The following NECAB3 variants were observed in gnomAD, a reference collection of about 807,000 sequenced individuals.
The protein encoded by NECAB3 is N-terminal EF-hand calcium binding protein 3.
In NECAB3, 38 loss-of-function variants were observed where a neutral mutation model predicts 57.2. The observed-to-expected ratio is 0.66, with a 90% confidence interval of 0.51 to 0.87. The LOEUF (loss-of-function observed/expected upper bound fraction) is 0.87, where lower values mean the gene tolerates loss of function less well. Ranked by LOEUF, NECAB3 falls within the 40% of genes least tolerant of loss-of-function variation. The pLI, the probability that NECAB3 is intolerant of heterozygous loss-of-function variation, is 0.00. For synonymous variants in NECAB3, 223 were observed against 222.6 expected (o/e 1.00, Z -0.02); for missense variants, 474 against 527.5 (o/e 0.90, Z 0.99).
intron 5 of NECAB3, chr20:33,668,202 T>C (rs1299054836): frequency 7.5e-6 from 12 of 1,606,528 alleles, no homozygotes; most frequent in Non-Finnish European, 1.0e-5. Context: ...ACCAGGAGTG[T>C]GGCTCCAGGC....
chr20:33,668,399 C>A (rs2017748431), intron 5 of NECAB3: 2 of 987,014 alleles, frequency 2.0e-6, no homozygotes, highest in African/African-American at 1.7e-5. Flanking sequence ...ACCCATGGGA[C>A]CCTCATTTTG....
intron 3 of NECAB3, 123 bp from the exon 4 acceptor site, chr20:33,669,835 A>T (rs1433897930): frequency 9.5e-7 from 1 of 1,051,144 alleles, no homozygotes; most frequent in Non-Finnish European, 1.4e-6. Context: ...CTTCTGCTCC[A>T]CCCCAGATTA....
chr20:33,660,449 G>C lies in NECAB3; in HGVS notation c.388-54C>G. ...CTCCCAGCCCGGGCACTGATCTCTT[G>C]AGTGGGTCCCCTGCCTCTTGCCCAT... On this transcript the variant is annotated intron_variant, in intron 5 of 11. Transcript: ENST00000246190. The surrounding 1 kb of genome is among the most constrained non-coding windows in gnomAD (Gnocchi z 4.1). 5 of 1,594,188 alleles carry C rather than the reference G, an allele frequency of 3.1e-6. No individual in the cohort carries two copies. The highest frequency in any genetic ancestry group is 4.3e-6 in the Non-Finnish European group (5 of 1,167,194).
Position 33,657,924 on chromosome 20 carries a change from T to A in NECAB3, c.1162+18A>T, listed in dbSNP as rs1310990427. 1 of 1,552,158 alleles carries A rather than the reference T, an allele frequency of 6.4e-7. No individual in the cohort carries two copies. Among genetic ancestry groups the A allele is most frequent in the Non-Finnish European group, 8.7e-7 (1 of 1,147,480 alleles). On this transcript the variant is annotated intron_variant, in intron 11 of 11. Transcript: ENST00000246190. Reference sequence around the variant, plus strand: ...ACTGCCCCTCCAGGGCCACAGTGAGTGGGGGTCCACCGCATACCTGGGAAG... The same window carrying A: ...ACTGCCCCTCCAGGGCCACAGTGAGAGGGGGTCCACCGCATACCTGGGAAG...
Position 33,660,956 on chromosome 20 carries a change from GCCT to G in NECAB3, c.388-564_388-562del, listed in dbSNP as rs1164634729. ...GCACTGACCCCAACCGACACTGCCAGCCTCCTCCCAGCCCCTCTCAGGGTGGCA... is the reference window on the plus strand; with the variant it reads ...GCACTGACCCCAACCGACACTGCCAGCCTCCCAGCCCCTCTCAGGGTGGCA... On this transcript the variant is annotated intron_variant, in intron 5 of 11. Transcript: ENST00000246190. The surrounding 1 kb of genome is among the most constrained non-coding windows in gnomAD (Gnocchi z 4.1). 1.3e-5 allele frequency among the ~76,000 whole-genome samples: 2 copies of G among 151,602 alleles called. No individual in the cohort carries two copies. The highest frequency in any genetic ancestry group is 4.8e-5 in the African/African-American group (2 of 41,390).
In NECAB3 at chr20:33,659,716, G is replaced by C. The variant is rs764708788; in HGVS notation, c.660C>G (p.Ala220=). 6.0e-5 allele frequency: 96 copies of C among 1,603,448 alleles called. 1 individual carries two copies. Among genetic ancestry groups the C allele is most frequent in the Non-Finnish European group, 7.2e-5 (85 of 1,177,808 alleles). ...TCACCTGGAGCCGCCACTGCATCTC[G>C]GCCTCTGAGCTGCGCCCTGTGTGTG... The part of the protein sequence containing the change: ...GSSDTGRSSE[A]EMQWRLQVNR... Residue 220 remains alanine (A), a synonymous_variant, in exon 8 of 12, where the codon GCC becomes GCG. Coordinates refer to ENST00000246190, the MANE Select transcript of NECAB3 (RefSeq NM_031232.4).
At chr20:33,674,440 G>A, upstream of NECAB3, 1 of 1,036,440 alleles carries the variant, frequency 9.6e-7, no homozygotes. Flanking sequence ...CCGCCCCTTG[G>A]CGCCGGCGCC....
Position 33,674,247 on chromosome 20 carries a change from C to A in NECAB3, c.106G>T (p.Ala36Ser), listed in dbSNP as rs946323434. 4.8e-6 allele frequency: 6 copies of A among 1,238,332 alleles called. No homozygotes were observed. Among genetic ancestry groups the A allele is most frequent in the Non-Finnish European group, 6.1e-6 (6 of 991,040 alleles). 76.7% of individuals were successfully genotyped at this position (1,238,332 alleles called of 1,614,324 possible). A position where few individuals can be genotyped will look rare whatever the true frequency, so the allele number is the denominator to read the frequency against. The change falls in exon 1 of 12, where the codon GCC becomes TCC. Residue 36 changes from alanine (A) to serine (S), a missense_variant. Physicochemically the swap from Ala to Ser is moderately conservative, Grantham distance 99. Coordinates refer to ENST00000246190, the MANE Select transcript of NECAB3 (RefSeq NM_031232.4). ...HPQLAPDPGP[A>S]GHTLFQDVFR... is the part of the protein sequence containing the mutation. Reference sequence around the variant, plus strand: ...ACGTCCTGGAAGAGCGTGTGTCCGGCGGGCCCCGGGTCGGGCGCGAGCTGG... The same window carrying A: ...ACGTCCTGGAAGAGCGTGTGTCCGGAGGGCCCCGGGTCGGGCGCGAGCTGG...
intron 1 of NECAB3, among the ~76,000 whole-genome samples, chr20:33,673,372 GAGA>G (rs1379646353): frequency 6.6e-6 from 1 of 152,192 alleles, no homozygotes. Flanking sequence ...GCCTAACTCA[GAGA>G]AGGTCTGCCA....
chr20:33,674,165 G>T, intron 1 of NECAB3, 59 bp downstream of exon 1: 1 of 1,235,238 alleles, frequency 8.1e-7, no homozygotes, highest in South Asian at 3.8e-5. Flanking sequence ...ACCCCGGAGG[G>T]TGAGACTAAC....
chr20:33,668,140 A>G (rs1016326898), intron 5 of NECAB3: 1 of 1,611,732 alleles, frequency 6.2e-7, no homozygotes, highest in Non-Finnish European at 8.5e-7. Flanking sequence ...CGGCGGCTCC[A>G]TGGTGGCCTC....
intron 5 of NECAB3, among the ~76,000 whole-genome samples, chr20:33,666,157 G>T (rs2017643967): frequency 6.6e-6 from 1 of 152,190 alleles, no homozygotes; most frequent in Admixed American, 6.5e-5. Flanking sequence ...GCCCATAAAG[G>T]TAGGGCCAGA....
intron 5 of NECAB3, chr20:33,667,562 C>T (rs779510428): frequency 9.0e-6 from 14 of 1,551,684 alleles, no homozygotes; most frequent in South Asian, 7.0e-5. Context: ...GCCGTGGAGG[C>T]GGGCGCGGGC....
chr20:33,668,303 T>C lies in NECAB3; in HGVS notation c.387+1072A>G, dbSNP rs1001427673. On this transcript the variant is annotated intron_variant, in intron 5 of 11. Transcript: ENST00000246190. ...CTCTCTATCTAAAGAGTCAAGTGTT[T>C]GGAGCTGGCAGGGTCCTCCTGGAGG... 7.9e-6 allele frequency: 12 copies of C among 1,520,740 alleles called. No individual in the cohort carries two copies. The East Asian group carries it at 2.8e-4, about 35-fold the overall frequency. 94.2% of individuals were successfully genotyped at this position (1,520,740 alleles called of 1,614,324 possible). A position where few individuals can be genotyped will look rare whatever the true frequency, so the allele number is the denominator to read the frequency against.
chr20:33,674,482 G>T, upstream of NECAB3: 2 of 833,742 alleles, frequency 2.4e-6, no homozygotes, highest in Non-Finnish European at 2.9e-6. Context: ...CCCCCGCCCC[G>T]CCCCCGCGGA....
intron 2 of NECAB3, among the ~76,000 whole-genome samples, chr20:33,671,270 C>G (rs1486329171): frequency 6.6e-6 from 1 of 152,144 alleles, no homozygotes; most frequent in East Asian, 1.9e-4. Flanking sequence ...CAGCAGCAGG[C>G]TGGCTCAGAA....
chr20:33,668,578 C>T (rs528591582), intron 5 of NECAB3: 211 of 238,540 alleles, frequency 8.8e-4, no homozygotes, highest in African/African-American at 4.6e-3. Flanking sequence ...GACATACATC[C>T]GATGCCAGGC....
In NECAB3 at chr20:33,669,682, C is replaced by A. The variant is rs1445351012; in HGVS notation, c.289+5G>T. 1.3e-6 allele frequency: 2 copies of A among 1,595,336 alleles called. No individual in the cohort carries two copies. The highest frequency in any genetic ancestry group is 1.7e-6 in the Non-Finnish European group (2 of 1,170,630). ...GGAGAAAAGAGCTCCCATGGGCCTA[C>A]TCACCACACAGTTTTTCTGTTTCTA... is the stretch of plus-strand genomic sequence containing the variant. On this transcript the variant is annotated splice_donor_5th_base_variant and intron_variant, in intron 4 of 11. Coordinates refer to ENST00000246190, the MANE Select transcript of NECAB3 (RefSeq NM_031232.4).
At position 33,660,939 on chromosome 20, in the gene NECAB3, C is replaced by T. The variant is rs2017455778; in HGVS notation, c.388-544G>A. Among the ~76,000 whole-genome samples the T allele has an allele frequency of 6.6e-6, 1 of 152,126 alleles. No homozygotes were observed. Among genetic ancestry groups the T allele is most frequent in the African/African-American group, 2.4e-5 (1 of 41,414 alleles). ...CTCAGACACACACGCCGGCACTGACCCCAACCGACACTGCCAGCCTCCTCC... is the reference window on the plus strand; with the variant it reads ...CTCAGACACACACGCCGGCACTGACTCCAACCGACACTGCCAGCCTCCTCC... On this transcript the variant is annotated intron_variant, in intron 5 of 11. Coordinates refer to ENST00000246190, the MANE Select transcript of NECAB3 (RefSeq NM_031232.4). The surrounding 1 kb of genome is among the most constrained non-coding windows in gnomAD (Gnocchi z 4.1).
Sources: allele counts gnomAD v4.1 joint callset (sites outside exome capture counted in the v4.1 genomes callset), GRCh38; gene constraint gnomAD v4.1.1; non-coding constraint Gnocchi (gnomAD v3.1); transcripts MANE v1.5; gene names NCBI Gene and HGNC (gene_info 2026-07-23, HGNC 2026-07-21).